The following CSMD1 variants were observed in gnomAD, a reference collection of about 807,000 sequenced individuals.
CSMD1 encodes CUB and sushi domain-containing protein 1.
Under a neutral mutation model 417.5 loss-of-function variants are expected in CSMD1, and 213 were observed. That is an observed-to-expected ratio of 0.51 (90% confidence interval 0.46 to 0.57). The LOEUF (loss-of-function observed/expected upper bound fraction) is 0.57, where lower values mean the gene tolerates loss of function less well. CSMD1 is among the 20% of genes least tolerant of loss of function. The probability of loss-of-function intolerance (pLI) is 0.00; values close to 1 mark genes in which losing one functional copy is unlikely to be tolerated. For missense variants in CSMD1, 6,923 were observed against 4,529.7 expected, an observed-to-expected ratio of 1.53 and a Z score of -15.17; for synonymous variants, 2,862 against 1,736.8, an observed-to-expected ratio of 1.65 and a Z score of -16.11.
chr8:4,815,732 A>G (rs1799170079), intron 1 of CSMD1, among the ~76,000 whole-genome samples: 1 of 150,914 alleles, frequency 6.6e-6, no homozygotes, highest in Non-Finnish European at 1.5e-5. Flanking sequence ...GAGAAAGGAA[A>G]CCTTTAAATC....
intron 5 of CSMD1, among the ~76,000 whole-genome samples, chr8:3,775,791 C>T (rs755103453): frequency 7.9e-5 from 12 of 152,226 alleles, no homozygotes; most frequent in African/African-American, 2.9e-4. Flanking sequence ...CGAAGCATTG[C>T]TGGGTGCTGA....
intron 3 of CSMD1, among the ~76,000 whole-genome samples, chr8:4,340,299 A>C (rs533723636): frequency 6.6e-6 from 1 of 152,146 alleles, no homozygotes; most frequent in Non-Finnish European, 1.5e-5. Context: ...CTGTGTTTGC[A>C]AGGCATCTCC....
intron 54 of CSMD1, among the ~76,000 whole-genome samples, chr8:2,997,136 T>C (rs1443835568): frequency 2.6e-5 from 4 of 152,228 alleles, no homozygotes; most frequent in Non-Finnish European, 2.9e-5. Context: ...CATCAGTGTG[T>C]TGGTCAAAAC....
At chr8:4,254,794 G>A (rs1803336124) in intron 3 of CSMD1, among the ~76,000 whole-genome samples, 1 of 152,076 alleles carries the variant, frequency 6.6e-6, no homozygotes, top group South Asian at 2.1e-4. Flanking sequence ...ACCCTAACAA[G>A]GTGACAGGCT....
chr8:3,903,401 C>T (rs1262048273), intron 5 of CSMD1, among the ~76,000 whole-genome samples: 1 of 152,018 alleles, frequency 6.6e-6, no homozygotes, highest in African/African-American at 2.4e-5. Flanking sequence ...ATAAGCTTTC[C>T]AATGCCAGAG....
intron 11 of CSMD1, among the ~76,000 whole-genome samples, chr8:3,480,428 C>T (rs1195835904): frequency 6.6e-6 from 1 of 151,990 alleles, no homozygotes; most frequent in Non-Finnish European, 1.5e-5. Context: ...CAAAACAAAA[C>T]AAAACAAATA....
intron 3 of CSMD1, among the ~76,000 whole-genome samples, chr8:4,253,211 C>G (rs1024881231): frequency 2.6e-5 from 4 of 152,148 alleles, no homozygotes; most frequent in Non-Finnish European, 4.4e-5. Context: ...CCGCCCCATT[C>G]CTAGTTATCA....
At chr8:4,933,234 GT>G (rs1295690808) in intron 1 of CSMD1, among the ~76,000 whole-genome samples, 1 of 151,654 alleles carries the variant, frequency 6.6e-6, no homozygotes. Context: ...TTCCCACTAA[GT>G]ATGATATGAC....
intron 7 of CSMD1, among the ~76,000 whole-genome samples, chr8:3,686,472 A>T (rs1412879430): frequency 6.6e-6 from 1 of 152,164 alleles, no homozygotes; most frequent in Non-Finnish European, 1.5e-5. Context: ...CTGCTCTGGC[A>T]TGTTTAAATT....
At chr8:3,298,578 C>A (rs573740885) in intron 25 of CSMD1, among the ~76,000 whole-genome samples, 1 of 152,096 alleles carries the variant, frequency 6.6e-6, no homozygotes, top group African/African-American at 2.4e-5. Flanking sequence ...CTCAGCCTCC[C>A]GAGTAGCTGG....
At chr8:4,165,445 C>T (rs573554447) in intron 3 of CSMD1, among the ~76,000 whole-genome samples, 55 of 152,284 alleles carry the variant, frequency 3.6e-4, no homozygotes, top group African/African-American at 1.1e-3. Context: ...CATGCTATGT[C>T]GCCCAGGCTG....
intron 1 of CSMD1, among the ~76,000 whole-genome samples, chr8:4,742,029 T>G: frequency 1.2e-5 from 1 of 86,796 alleles, no homozygotes; most frequent in African/African-American, 5.2e-5. Flanking sequence ...TTTTTTTTTT[T>G]TTTTTTTTTT....
At chr8:4,780,815 C>T (rs1330801343) in intron 1 of CSMD1, among the ~76,000 whole-genome samples, 1 of 152,158 alleles carries the variant, frequency 6.6e-6, no homozygotes, top group Non-Finnish European at 1.5e-5. Flanking sequence ...TGAGAACATA[C>T]AATGTTTGGT....
At chr8:3,531,107 C>T (rs749140317) in intron 10 of CSMD1, among the ~76,000 whole-genome samples, 1 of 151,510 alleles carries the variant, frequency 6.6e-6, no homozygotes, top group African/African-American at 2.4e-5. Context: ...GTGACCTGCC[C>T]ACCTAGGCCT....
intron 3 of CSMD1, among the ~76,000 whole-genome samples, chr8:4,377,844 G>A (rs1299064256): frequency 1.3e-5 from 2 of 152,168 alleles, no homozygotes; most frequent in Admixed American, 6.5e-5. Flanking sequence ...GCCCCAATTA[G>A]TATACTTCTG....
intron 25 of CSMD1, among the ~76,000 whole-genome samples, chr8:3,285,999 C>T (rs1313378617): frequency 6.6e-6 from 1 of 152,066 alleles, no homozygotes; most frequent in Admixed American, 6.6e-5. Context: ...ACAACAGGCC[C>T]CAGTGTGTGA....
intron 45 of CSMD1, among the ~76,000 whole-genome samples, chr8:3,107,402 G>C (rs1367693938): frequency 1.3e-5 from 2 of 152,088 alleles, no homozygotes; most frequent in Non-Finnish European, 2.9e-5. Context: ...ATCTGCCCAA[G>C]TCTGTCTCTG....
At chr8:4,350,357 A>G (rs1253812379) in intron 3 of CSMD1, among the ~76,000 whole-genome samples, 1 of 152,160 alleles carries the variant, frequency 6.6e-6, no homozygotes, top group Non-Finnish European at 1.5e-5. Context: ...GAACCAAGAA[A>G]TGGAGAAAAA....
At chr8:4,966,422 C>G (rs907312304) in intron 1 of CSMD1, among the ~76,000 whole-genome samples, 3 of 151,994 alleles carry the variant, frequency 2.0e-5, no homozygotes, top group Non-Finnish European at 4.4e-5. Flanking sequence ...AACTATCTCC[C>G]GGTATTTGGA....
Sources: allele counts gnomAD v4.1 joint callset (sites outside exome capture counted in the v4.1 genomes callset), GRCh38; gene constraint gnomAD v4.1.1; transcripts MANE v1.5; gene names NCBI Gene and HGNC (gene_info 2026-07-23, HGNC 2026-07-21).